The following NBAS variants were observed in gnomAD, a reference collection of about 807,000 sequenced individuals.
The protein encoded by NBAS is NAG/BC035112 fusion.
A neutral mutation model predicts 302.5 loss-of-function variants in NBAS; 219 were observed. The ratio of observed to expected loss-of-function variants is 0.72; its 90% CI spans 0.65 to 0.81. The LOEUF (loss-of-function observed/expected upper bound fraction) is 0.81. NBAS is among the 30% of genes least tolerant of loss of function. The pLI, the probability that NBAS is intolerant of heterozygous loss-of-function variation, is 0.00. For missense variants in NBAS, 2,932 were observed against 2,841.6 expected (o/e 1.03, Z -0.72); for synonymous variants, 1,118 against 1,021.6 (o/e 1.09, Z -1.80).
the NBAS span, among the ~76,000 whole-genome samples, chr2:14,913,077 TGAAAACAAGCC>T: frequency 1.3e-5 from 2 of 152,232 alleles, no homozygotes; most frequent in African/African-American, 4.8e-5. Flanking sequence ...TTCATGAGAA[TGAAAACAAGCC>T]ACACATCTGC....
chr2:15,209,876 G>A (rs1378109241), intron 48 of NBAS, among the ~76,000 whole-genome samples: 2 of 152,038 alleles, frequency 1.3e-5, no homozygotes, highest in African/African-American at 4.8e-5. Context: ...ATTGGAGAAA[G>A]GACAGCCTCT....
chr2:15,545,493 T>A (rs1462539290), intron 6 of NBAS, among the ~76,000 whole-genome samples: 10 of 152,164 alleles, frequency 6.6e-5, no homozygotes, highest in Non-Finnish European at 1.3e-4. Context: ...TCAGTACAGA[T>A]CCTACAGACA....
At chr2:15,120,115 G>A in the NBAS span, among the ~76,000 whole-genome samples, 2 of 152,168 alleles carry the variant, frequency 1.3e-5, no homozygotes, top group Non-Finnish European at 2.9e-5. Context: ...CAGGAAGTGT[G>A]GGAGGGTGGG....
intron 25 of NBAS, among the ~76,000 whole-genome samples, chr2:15,409,006 C>G (rs1384803962): frequency 6.6e-6 from 1 of 152,072 alleles, no homozygotes; most frequent in Non-Finnish European, 1.5e-5. Context: ...AGACACCATC[C>G]CTACAAAAAG....
intron 34 of NBAS, among the ~76,000 whole-genome samples, chr2:15,352,761 G>A (rs897107816): frequency 3.9e-5 from 6 of 152,148 alleles, no homozygotes; most frequent in Non-Finnish European, 7.3e-5. Context: ...CCACCATTTT[G>A]CCTCTTAGTG....
intron 12 of NBAS, among the ~76,000 whole-genome samples, chr2:15,479,904 G>A (rs900407601): frequency 1.3e-5 from 2 of 152,126 alleles, no homozygotes; most frequent in South Asian, 2.1e-4. Context: ...GCTAAATGTC[G>A]AATAAGTAAA....
At chr2:14,792,572 T>C in the NBAS span, among the ~76,000 whole-genome samples, 2 of 151,880 alleles carry the variant, frequency 1.3e-5, no homozygotes, top group African/African-American at 4.8e-5. Flanking sequence ...TGCATCATGG[T>C]AGGAAGGAAA....
At chr2:15,039,522 G>T in the NBAS span, among the ~76,000 whole-genome samples, 1 of 152,198 alleles carries the variant, frequency 6.6e-6, no homozygotes, top group African/African-American at 2.4e-5. Flanking sequence ...TATCCCAGGA[G>T]CCAAGAAGGG....
At chr2:15,503,357 G>A (rs1661674583) in intron 11 of NBAS, among the ~76,000 whole-genome samples, 1 of 152,148 alleles carries the variant, frequency 6.6e-6, no homozygotes, top group African/African-American at 2.4e-5. Flanking sequence ...TGGAAATACA[G>A]TATTTGAGGG....
At chr2:15,160,453 C>T in the NBAS span, among the ~76,000 whole-genome samples, 3 of 152,160 alleles carry the variant, frequency 2.0e-5, no homozygotes, top group Admixed American at 6.5e-5. Flanking sequence ...GGAGGAGACA[C>T]ATCTTGGCTC....
chr2:15,298,682 T>C (rs1052601353), intron 40 of NBAS, among the ~76,000 whole-genome samples: 1 of 152,230 alleles, frequency 6.6e-6, no homozygotes, highest in Non-Finnish European at 1.5e-5. Flanking sequence ...TTATCACTAC[T>C]TCTCCCAAAA....
At chr2:15,019,190 C>G in the NBAS span, among the ~76,000 whole-genome samples, 2 of 152,132 alleles carry the variant, frequency 1.3e-5, no homozygotes, top group Non-Finnish European at 2.9e-5. Context: ...TTAAATGGGT[C>G]TCTACAATCA....
chr2:15,479,583 T>C (rs1457748988), intron 12 of NBAS, among the ~76,000 whole-genome samples: 1 of 152,298 alleles, frequency 6.6e-6, no homozygotes, highest in African/African-American at 2.4e-5. Context: ...TTTAAGGACA[T>C]ACAGATCAAA....
chr2:14,827,296 A>C, the NBAS span, among the ~76,000 whole-genome samples: 1 of 152,136 alleles, frequency 6.6e-6, no homozygotes, highest in African/African-American at 2.4e-5. Flanking sequence ...GTTAATTCAA[A>C]TTCTATTTGT....
chr2:15,055,965 C>A, the NBAS span, among the ~76,000 whole-genome samples: 3 of 152,060 alleles, frequency 2.0e-5, no homozygotes, highest in African/African-American at 7.2e-5. Flanking sequence ...ATTTACATTC[C>A]TTTTACTTGT....
At chr2:15,083,269 C>A in the NBAS span, among the ~76,000 whole-genome samples, 1 of 152,214 alleles carries the variant, frequency 6.6e-6, no homozygotes, top group African/African-American at 2.4e-5. Context: ...TGCTCCTGAA[C>A]TAAATCATCT....
chr2:15,234,469 T>C, intron 46 of NBAS, 76 bp downstream of exon 46: 2 of 1,459,646 alleles, frequency 1.4e-6, no homozygotes, highest in African/African-American at 1.4e-5. Flanking sequence ...TGCTTTTACA[T>C]ACAGGATGAC....
intron 42 of NBAS, among the ~76,000 whole-genome samples, chr2:15,285,570 C>G (rs1670000585): frequency 6.6e-6 from 1 of 152,178 alleles, no homozygotes; most frequent in South Asian, 2.1e-4. Flanking sequence ...CCATTTGAAC[C>G]CCAGATCTGT....
At chr2:15,551,288 G>T (rs1158416311) in intron 6 of NBAS, among the ~76,000 whole-genome samples, 2 of 147,152 alleles carry the variant, frequency 1.4e-5, no homozygotes, top group Non-Finnish European at 3.0e-5. Context: ...TTAGAACCCA[G>T]TTTCCAAATC....
Sources: allele counts gnomAD v4.1 joint callset (sites outside exome capture counted in the v4.1 genomes callset), GRCh38; gene constraint gnomAD v4.1.1; transcripts MANE v1.5; gene names NCBI Gene and HGNC (gene_info 2026-07-23, HGNC 2026-07-21).